The following GNAS variants were observed in gnomAD, a reference collection of about 807,000 sequenced individuals.
GNAS encodes GNAS complex locus, also known as protein ALEX.
In GNAS, 8 loss-of-function variants were observed where a neutral mutation model predicts 54.5. That is an observed-to-expected ratio of 0.15 (90% CI 0.09 to 0.26). The LOEUF (loss-of-function observed/expected upper bound fraction) is 0.26, where lower values mean the gene tolerates loss of function less well. GNAS is among the 10% of genes least tolerant of loss of function. GNAS has a pLI of 1.00. For missense variants in GNAS, 170 were observed against 529.8 expected (o/e 0.32, Z 6.67); for synonymous variants, 204 against 191.4 (o/e 1.07, Z -0.54).
intron 1 of GNAS, among the ~76,000 whole-genome samples, chr20:58,874,850 A>C (rs2087705210): frequency 6.6e-6 from 1 of 152,194 alleles, no homozygotes; most frequent in Non-Finnish European, 1.5e-5. Context: ...CTATATTCAA[A>C]TACTATAATT....
intron 1 of GNAS, among the ~76,000 whole-genome samples, chr20:58,847,745 T>C (rs2085990884): frequency 6.6e-6 from 1 of 152,194 alleles, no homozygotes; most frequent in Non-Finnish European, 1.5e-5. Flanking sequence ...TCCCTTCCCT[T>C]TCACCCACCT....
rs113569716 is a variant in GNAS at position 58,878,952 on chromosome 20, G to A, written c.44-16660G>A. Among the ~76,000 whole-genome samples, 1,245 of 152,084 alleles carry A rather than the reference G, an allele frequency of 8.2e-3. 10 individuals are homozygous for A. The highest frequency in any genetic ancestry group is 0.013 in the Admixed American group (202 of 15,284). On this transcript the variant is annotated intron_variant, in intron 1 of 12. Transcript: ENST00000306090. ...GACAAATCAGATGTAGAGGTTTGCA[G>A]AGCCTGGAGGCCAAAGGAAGCCCAC... is the stretch of plus-strand genomic sequence containing the variant.
rs2146289046 is a variant in GNAS, at chr20:58,909,940, C to T, written c.840-11C>T. The T allele has an allele frequency of 6.2e-7, 1 of 1,614,126 alleles. No homozygotes were observed. Among genetic ancestry groups the T allele is most frequent in the Non-Finnish European group, 8.5e-7 (1 of 1,179,964 alleles). ...TTCTCCCAAGCATTCACACGGCCTC[C>T]CTTCTTGTAGATGGCTGCGCACCAT... On this transcript the variant is annotated splice_polypyrimidine_tract_variant and intron_variant, in intron 10 of 12. Transcript: ENST00000371085. This position sits in a 1 kb window ranked among gnomAD's most constrained non-coding sequence, Gnocchi z 7.3.
intron 1 of GNAS, chr20:58,855,056 T>C: frequency 6.2e-7 from 1 of 1,613,020 alleles, no homozygotes; most frequent in Non-Finnish European, 8.5e-7. Flanking sequence ...ATCGGCGAAA[T>C]CGCCGCCGCC....
At position 58,910,291 on chromosome 20, in the gene GNAS, T is replaced by C. The variant is rs2091350978; in HGVS notation, c.971-43T>C. 3 of 1,478,366 alleles carry C rather than the reference T, an allele frequency of 2.0e-6. No homozygotes were observed. Among genetic ancestry groups the C allele is most frequent in the East Asian group, 4.5e-5 (2 of 44,254 alleles). The allele number at this position is 1,478,366 out of a possible 1,614,324, so 91.6% of individuals were successfully genotyped here. On this transcript the variant is annotated intron_variant, in intron 11 of 12. Coordinates refer to ENST00000371085, the MANE Select transcript of GNAS (RefSeq NM_000516.7). The surrounding 1 kb of genome is among the most constrained non-coding windows in gnomAD (Gnocchi z 5.8). Reference sequence around the variant, plus strand: ...AGAGATGCTAGCACCCCAGCTCTGCTTGAATTTTAAATTACATTAATATGT... The same window carrying C: ...AGAGATGCTAGCACCCCAGCTCTGCCTGAATTTTAAATTACATTAATATGT...
In GNAS at chr20:58,891,557, G is replaced by GCGCCCCGCGGCCCGCGGCCCGCAGTC. The variant is rs1289594947; in HGVS notation, c.-160_-135dup. 55 of 972,218 alleles carry GCGCCCCGCGGCCCGCGGCCCGCAGTC rather than the reference G, an allele frequency of 5.7e-5. No homozygotes were observed. In the Middle Eastern group the frequency reaches 1.6e-3, roughly 28 times the overall value. The allele number at this position is 972,218 out of a possible 1,614,324, so 60.2% of individuals were successfully genotyped here. On this transcript the variant is annotated 5_prime_UTR_variant, in exon 1 of 13. Coordinates refer to ENST00000371085, the MANE Select transcript of GNAS (RefSeq NM_000516.7). ...CACCCTCCCCTTCCCGCCCGTCCGC[G>GCGCCCCGCGGCCCGCGGCCCGCAGTC]CGCCCCGCGGCCCGCGGCCCGCAGT...
rs769067211 is a variant in GNAS at position 58,855,122 on chromosome 20, C to T, written c.43+14236C>T. On this transcript the variant is annotated intron_variant, in intron 1 of 12. Coordinates refer to the GNAS transcript ENST00000306090. Reference sequence around the variant, plus strand: ...TTCTCGTGCAAGCCTTCGGGGGCTGCTTCGGTCGATCTGAGAGTCCCCAGC... The same window carrying T: ...TTCTCGTGCAAGCCTTCGGGGGCTGTTTCGGTCGATCTGAGAGTCCCCAGC... The T allele has an allele frequency of 3.1e-6, 5 of 1,613,726 alleles. No homozygotes were observed. In the South Asian group the frequency reaches 5.5e-5, roughly 18 times the overall value.
In GNAS at chr20:58,910,003, G is replaced by A. The variant is rs1802356; in HGVS notation, c.892G>A (p.Ala298Thr). 1.2e-6 allele frequency: 2 copies of A among 1,613,328 alleles called. No individual in the cohort carries two copies. The highest frequency in any genetic ancestry group is 8.5e-7 in the Non-Finnish European group (1 of 1,179,228). Residue 298 changes from alanine (A) to threonine (T), a missense_variant, in exon 11 of 13, where the codon GCT becomes ACT. Physicochemically the swap from Ala to Thr is moderately conservative, Grantham distance 58 (BLOSUM62 0). This residue lies in a region of GNAS where 36 missense variants were observed against 223.0 expected (regional missense o/e 0.16). Coordinates refer to ENST00000371085, the MANE Select transcript of GNAS (RefSeq NM_000516.7). This position sits in a 1 kb window ranked among gnomAD's most constrained non-coding sequence, Gnocchi z 5.8. ...GTTCCTCAACAAGCAAGATCTGCTC[G>A]CTGAGAAAGTCCTTGCTGGGAAATC... ...ILFLNKQDLL[A>T]EKVLAGKSKI...
upstream of GNAS, chr20:58,891,390 C>A (rs1480816915): frequency 1.8e-5 from 4 of 225,244 alleles, no homozygotes; most frequent in African/African-American, 4.9e-5. Flanking sequence ...CCGGCCGAGG[C>A]AATAAGAGCG....
intron 3 of GNAS, among the ~76,000 whole-genome samples, chr20:58,900,891 T>G (rs2090546496): frequency 6.6e-6 from 1 of 152,244 alleles, no homozygotes; most frequent in Non-Finnish European, 1.5e-5. Flanking sequence ...AGCTGTTTTA[T>G]ACTTGATATA....
intron 1 of GNAS, among the ~76,000 whole-genome samples, chr20:58,883,462 G>C (rs766096878): frequency 6.6e-6 from 1 of 152,108 alleles, no homozygotes; most frequent in Non-Finnish European, 1.5e-5. Context: ...GTAGAGCTGA[G>C]GTCTGTAGCT....
At chr20:58,849,362 T>C (rs927638806) in intron 1 of GNAS, among the ~76,000 whole-genome samples, 3 of 152,170 alleles carry the variant, frequency 2.0e-5, no homozygotes, top group African/African-American at 7.2e-5. Context: ...CTGGACTGTC[T>C]CCCTTTTTCC....
At chr20:58,900,067 T>G in intron 3 of GNAS, 5 of 542,386 alleles carry the variant, frequency 9.2e-6, no homozygotes, top group East Asian at 3.6e-5. Context: ...TATTCTGTTA[T>G]CTGAGGGGGG....
chr20:58,902,171 A>T (rs1031324456), intron 3 of GNAS, among the ~76,000 whole-genome samples: 1 of 151,766 alleles, frequency 6.6e-6, no homozygotes. Context: ...GGACCGTAGC[A>T]CCTTTTTTCC....
chr20:58,877,223 G>A (rs1298578051), intron 1 of GNAS, among the ~76,000 whole-genome samples: 3 of 152,002 alleles, frequency 2.0e-5, no homozygotes, highest in Non-Finnish European at 4.4e-5. Context: ...GATGTGAGCT[G>A]CCAAGGTACA....
intron 1 of GNAS, chr20:58,850,944 C>T (rs1199061966): frequency 4.0e-5 from 16 of 398,568 alleles, no homozygotes; most frequent in Non-Finnish European, 7.1e-5. Context: ...TCTGACGCCC[C>T]CTGCTCATTC....
At chr20:58,908,621 CTG>C (rs2091237754) in intron 6 of GNAS, among the ~76,000 whole-genome samples, 4 of 152,056 alleles carry the variant, frequency 2.6e-5, no homozygotes, top group African/African-American at 9.6e-5. Context: ...AATTTTCAAA[CTG>C]TTTGCCATTT....
intron 2 of GNAS, 50 bp from the exon 3 acceptor site, chr20:58,898,891 A>G (rs2090336134): frequency 6.7e-7 from 1 of 1,490,342 alleles, no homozygotes; most frequent in African/African-American, 1.4e-5. Flanking sequence ...GGTTTGTGTG[A>G]CACTGCGGTG....
Position 58,841,276 on chromosome 20 carries a change from A to G in GNAS, c.43+390A>G. ...CCTCCTAGAAAGACTAGTCTCAAAT[A>G]AGTTGGCCTTCTCAGGTGTCCAAAA... On this transcript the variant is annotated intron_variant, in intron 1 of 12. Transcript: ENST00000306090. This position sits in a 1 kb window ranked among gnomAD's most constrained non-coding sequence, Gnocchi z 5.0. The G allele has an allele frequency of 1.9e-6, 2 of 1,037,774 alleles. No homozygotes were observed. Among genetic ancestry groups the G allele is most frequent in the Non-Finnish European group, 2.4e-6 (2 of 847,272 alleles). The allele number at this position is 1,037,774 out of a possible 1,614,324, so 64.3% of individuals were successfully genotyped here. A position where few individuals can be genotyped will look rare whatever the true frequency, so the allele number is the denominator to read the frequency against.
Sources: allele counts gnomAD v4.1 joint callset (sites outside exome capture counted in the v4.1 genomes callset), GRCh38; gene constraint gnomAD v4.1.1; regional missense constraint gnomAD v4.1.1; non-coding constraint Gnocchi (gnomAD v3.1); transcripts MANE v1.5; gene names NCBI Gene and HGNC (gene_info 2026-07-23, HGNC 2026-07-21).